Variants in ZNF740 observed in about 807,000 individuals in gnomAD.
The protein encoded by ZNF740 is zinc finger protein 740.
Under a neutral mutation model 24.8 loss-of-function variants are expected in ZNF740, and 14 were observed. The ratio of observed to expected loss-of-function variants is 0.56; its 90% confidence interval spans 0.37 to 0.88. ZNF740 has a LOEUF of 0.88. Ranked by LOEUF, ZNF740 falls within the 40% of genes least tolerant of loss-of-function variation. The pLI, the probability that ZNF740 is intolerant of heterozygous loss-of-function variation, is 0.00. For missense variants in ZNF740, 201 were observed against 247.9 expected (o/e 0.81, Z 1.27); for synonymous variants, 69 against 84.0 (o/e 0.82, Z 0.98).
At chr12:53,181,596 C>CAA (rs370653283) in intron 1 of ZNF740, 81 bp from the exon 2 acceptor site, 21 of 708,016 alleles carry the variant, frequency 3.0e-5, no homozygotes, top group African/African-American at 5.8e-5. Flanking sequence ...GAGCGCCCAG[C>CAA]AAAAAAAAAA....
At position 53,185,011 on chromosome 12, in the gene ZNF740, A is replaced by G. The variant is rs767402920; in HGVS notation, c.130A>G (p.Ser44Gly). 5 of 1,614,004 alleles carry G rather than the reference A, an allele frequency of 3.1e-6. No individual in the cohort carries two copies. In the South Asian group the frequency reaches 5.5e-5, roughly 18 times the overall value. ...GGCCGAGAATGGCGAGCGGGCAGGT[A>G]GCCCTGATGTGCTGAGGTGCTCGAG... is the stretch of plus-strand genomic sequence containing the variant. The part of the protein sequence containing the change: ...KQAENGERAG[S>G]PDVLRCSSQG... The change falls in exon 3 of 7, where the codon AGC (serine) becomes GGC (glycine). Residue 44 changes from serine to glycine, a missense_variant. Transcript: ENST00000416904.
In ZNF740 at chr12:53,180,765, G is replaced by C. The variant is rs553868833; in HGVS notation, c.-380G>C. 2.4e-6 allele frequency: 3 copies of C among 1,272,566 alleles called. No homozygotes were observed. The African/African-American group carries it at 4.7e-5, about 20-fold the overall frequency. The allele number at this position is 1,272,566 out of a possible 1,614,324, so 78.8% of individuals were successfully genotyped here. ...CGGTGGGGGCAGCCGCGGCGGTGGG[G>C]TTGGCAGGGTGTGCTGGGGCCTGGA... On this transcript the variant is annotated 5_prime_UTR_variant, in exon 1 of 7. Transcript: ENST00000416904.
chr12:53,184,151 G>GTGTGTGCGCGCGCGCGCA (rs1555175912), intron 2 of ZNF740, among the ~76,000 whole-genome samples: 3 of 70,874 alleles, frequency 4.2e-5, no homozygotes, highest in African/African-American at 2.3e-4. Flanking sequence ...GTGTGTGTGT[G>GTGTGTGCGCGCGCGCGCA]CGCGCGCGCG....
chr12:53,192,815 G>C lies in ZNF740; in HGVS notation c.*5225G>C. 6.2e-7 allele frequency: 1 copy of C among 1,614,232 alleles called. No homozygotes were observed. Among genetic ancestry groups the C allele is most frequent in the Non-Finnish European group, 8.5e-7 (1 of 1,180,052 alleles). The stretch of plus-strand genomic sequence containing the variant: ...TGCCCACTGCAGAGCCCTCCCTCGG[G>C]ACTGATGCAACTGTCCATGTCCCCA... On this transcript the variant is annotated 3_prime_UTR_variant, in exon 7 of 7. Transcript: ENST00000416904.
At chr12:53,185,087 A>C (rs1203321520) in intron 3 of ZNF740, 47 bp downstream of exon 3, 4 of 1,609,040 alleles carry the variant, frequency 2.5e-6, no homozygotes, top group Non-Finnish European at 3.4e-6. Context: ...GGGTGGCCCA[A>C]GCTCTCTGCC....
chr12:53,192,330 T>G lies in ZNF740; in HGVS notation c.*4740T>G. ...GTTTGTGGCATCCCTGCCCACTTACTTTCTTGGGGTCTCACTCTGAGCACG... is the reference window on the plus strand; with the variant it reads ...GTTTGTGGCATCCCTGCCCACTTACGTTCTTGGGGTCTCACTCTGAGCACG... On this transcript the variant is annotated 3_prime_UTR_variant, in exon 7 of 7. Coordinates refer to ENST00000416904, the MANE Select transcript of ZNF740 (RefSeq NM_001004304.4). 6.2e-7 allele frequency: 1 copy of G among 1,614,048 alleles called. No homozygotes were observed. The highest frequency in any genetic ancestry group is 8.5e-7 in the Non-Finnish European group (1 of 1,180,006).
At position 53,193,165 on chromosome 12, in the gene ZNF740, C is replaced by G; in HGVS notation, c.*5575C>G. 1 of 1,613,016 alleles carries G rather than the reference C, an allele frequency of 6.2e-7. No homozygotes were observed. The highest frequency in any genetic ancestry group is 1.7e-5 in the Admixed American group (1 of 59,990). On this transcript the variant is annotated 3_prime_UTR_variant, in exon 7 of 7. Coordinates refer to ENST00000416904, the MANE Select transcript of ZNF740 (RefSeq NM_001004304.4). ...CTCCGCAGAGGATGCCCTCATGTCG[C>G]TCACAGCTGGCATCGTCACACTCGC... is the stretch of plus-strand genomic sequence containing the variant.
At chr12:53,184,144 TGTGTGTGC>T (rs1330737929) in intron 2 of ZNF740, among the ~76,000 whole-genome samples, 14 of 105,230 alleles carry the variant, frequency 1.3e-4, no homozygotes, top group Non-Finnish European at 1.8e-4. Flanking sequence ...TGTGTGTGTG[TGTGTGTGC>T]GCGCGCGCGC....
chr12:53,187,448 A>G, intron 6 of ZNF740, 53 bp from the exon 7 acceptor site: 1 of 1,497,708 alleles, frequency 6.7e-7, no homozygotes, highest in Non-Finnish European at 9.3e-7. Context: ...TGAGTTAGCC[A>G]ACAGGTAGCT....
intron 2 of ZNF740, among the ~76,000 whole-genome samples, chr12:53,182,442 G>A (rs1393880738): frequency 6.6e-6 from 1 of 152,134 alleles, no homozygotes; most frequent in Non-Finnish European, 1.5e-5. Context: ...GGAGAGGGAT[G>A]GAAAGCCATT....
At chr12:53,182,247 A>G (rs1941674432) in intron 2 of ZNF740, 4 of 531,946 alleles carry the variant, frequency 7.5e-6, no homozygotes, top group African/African-American at 5.7e-5. Context: ...ACGTGTACTC[A>G]GTTTACATTT....
rs1201150309 is a variant in ZNF740, at chr12:53,193,819, T to C, written c.*6229T>C. 3 of 1,614,032 alleles carry C rather than the reference T, an allele frequency of 1.9e-6. No individual in the cohort carries two copies. The highest frequency in any genetic ancestry group is 2.5e-6 in the Non-Finnish European group (3 of 1,180,010). On this transcript the variant is annotated 3_prime_UTR_variant, in exon 7 of 7. Coordinates refer to ENST00000416904, the MANE Select transcript of ZNF740 (RefSeq NM_001004304.4). Reference sequence around the variant, plus strand: ...CGTGTGCAACTCCACAATCAGCTCCTCTGAGAAGCCAAGGGCCCGGAGCCT... The same window carrying C: ...CGTGTGCAACTCCACAATCAGCTCCCCTGAGAAGCCAAGGGCCCGGAGCCT...
rs1367934400 is a variant in ZNF740 at position 53,190,102 on chromosome 12, A to G, written c.*2512A>G. On this transcript the variant is annotated 3_prime_UTR_variant, in exon 7 of 7. Transcript: ENST00000416904. ...AGCCACCCCTGCCAAGGACCCAGTG[A>G]GGGAAACTCAGGAGCAGGTGGTTGG... 2.0e-5 allele frequency: 3 copies of G among 152,346 alleles called. No homozygotes were observed. Among genetic ancestry groups the G allele is most frequent in the Non-Finnish European group, 4.4e-5 (3 of 68,148 alleles). 9.4% of individuals were successfully genotyped at this position (152,346 alleles called of 1,614,324 possible).
Position 53,192,276 on chromosome 12 carries a change from G to C in ZNF740, c.*4686G>C. 1 of 1,561,710 alleles carries C rather than the reference G, an allele frequency of 6.4e-7. No individual in the cohort carries two copies. Among genetic ancestry groups the C allele is most frequent in the South Asian group, 1.1e-5 (1 of 89,928 alleles). On this transcript the variant is annotated 3_prime_UTR_variant, in exon 7 of 7. Coordinates refer to ENST00000416904, the MANE Select transcript of ZNF740 (RefSeq NM_001004304.4). Reference sequence around the variant, plus strand: ...ATTATCTTCACTCTGCATCCCCAGAGTTGAGACCCTGCCCATCAAACTTCC... The same window carrying C: ...ATTATCTTCACTCTGCATCCCCAGACTTGAGACCCTGCCCATCAAACTTCC...
chr12:53,188,006 C>T lies in ZNF740; in HGVS notation c.*416C>T. On this transcript the variant is annotated 3_prime_UTR_variant, in exon 7 of 7. Coordinates refer to ENST00000416904, the MANE Select transcript of ZNF740 (RefSeq NM_001004304.4). ...TCCAAAAGCAACTTCAGCGGGTAAA[C>T]TGTGGATACAGGTAATCCAGAGGCA... The T allele has an allele frequency of 5.0e-6, 1 of 201,536 alleles. No individual in the cohort carries two copies. The highest frequency in any genetic ancestry group is 1.0e-5 in the Non-Finnish European group (1 of 96,736). 12.5% of individuals were successfully genotyped at this position (201,536 alleles called of 1,614,324 possible). A position where few individuals can be genotyped will look rare whatever the true frequency, so the allele number is the denominator to read the frequency against.
rs966076266 is a variant in ZNF740 at position 53,188,437 on chromosome 12, T to G, written c.*847T>G. The G allele has an allele frequency of 1.3e-5, 2 of 152,594 alleles. No individual in the cohort carries two copies. The highest frequency in any genetic ancestry group is 2.9e-5 in the Non-Finnish European group (2 of 68,016). The allele number at this position is 152,594 out of a possible 1,614,324, so 9.5% of individuals were successfully genotyped here. A position where few individuals can be genotyped will look rare whatever the true frequency, so the allele number is the denominator to read the frequency against. On this transcript the variant is annotated 3_prime_UTR_variant, in exon 7 of 7. Coordinates refer to ENST00000416904, the MANE Select transcript of ZNF740 (RefSeq NM_001004304.4). ...TGGGGAGTCGGTCTTGGAGATGGTA[T>G]GTGGCTACCTCGCTGCCATTGACTC...
In ZNF740 at chr12:53,191,373, C is replaced by T; in HGVS notation, c.*3783C>T. 2 of 619,000 alleles carry T rather than the reference C, an allele frequency of 3.2e-6. No homozygotes were observed. Among genetic ancestry groups the T allele is most frequent in the Non-Finnish European group, 5.8e-6 (2 of 342,962 alleles). 38.3% of individuals were successfully genotyped at this position (619,000 alleles called of 1,614,324 possible). A position where few individuals can be genotyped will look rare whatever the true frequency, so the allele number is the denominator to read the frequency against. On this transcript the variant is annotated 3_prime_UTR_variant, in exon 7 of 7. Coordinates refer to ENST00000416904, the MANE Select transcript of ZNF740 (RefSeq NM_001004304.4). Reference sequence around the variant, plus strand: ...TTGGGTGGGGTAGCCCAGATGGATGCAAGGTTGCAGGCATGGGAAGCAGCC... The same window carrying T: ...TTGGGTGGGGTAGCCCAGATGGATGTAAGGTTGCAGGCATGGGAAGCAGCC...
At chr12:53,183,947 CA>C (rs1198838009) in intron 2 of ZNF740, among the ~76,000 whole-genome samples, 1 of 152,034 alleles carries the variant, frequency 6.6e-6, no homozygotes, top group African/African-American at 2.4e-5. Flanking sequence ...TCGCTTAAGC[CA>C]GGGAGGTCAA....
At position 53,194,282 on chromosome 12, in the gene ZNF740, G is replaced by A. The variant is rs552528072; in HGVS notation, c.*6692G>A. 1.4e-4 allele frequency: 221 copies of A among 1,613,958 alleles called. 4 individuals are homozygous for A. The South Asian group carries it at 1.7e-3, about 13-fold the overall frequency. ...TCTCAGGACCCTCACACTGGGATTC[G>A]TAAGAAATGTGGACCCCAGGAGGGA... On this transcript the variant is annotated 3_prime_UTR_variant, in exon 7 of 7. Transcript: ENST00000416904.
Sources: allele counts gnomAD v4.1 joint callset (sites outside exome capture counted in the v4.1 genomes callset), GRCh38; gene constraint gnomAD v4.1.1; transcripts MANE v1.5; gene names NCBI Gene and HGNC (gene_info 2026-07-23, HGNC 2026-07-21).